GABBR2: variants seen among roughly 807,000 people sequenced by gnomAD.
The protein encoded by GABBR2 is gamma-aminobutyric acid type B receptor subunit 2.
A neutral mutation model predicts 105.6 loss-of-function variants in GABBR2; 23 were observed. The ratio of observed to expected loss-of-function variants is 0.22; its 90% CI spans 0.16 to 0.31. GABBR2 has a LOEUF of 0.31. Among genes scored for constraint, GABBR2 ranks in the 10% least tolerant of loss-of-function variants. The probability of loss-of-function intolerance (pLI) is 1.00; values close to 1 mark genes in which losing one functional copy is unlikely to be tolerated. For synonymous variants in GABBR2, 478 were observed against 499.7 expected (o/e 0.96, Z 0.58); for missense variants, 734 against 1,245.5 (o/e 0.59, Z 6.18).
At chr9:98,685,972 A>G (rs565516548) in intron 1 of GABBR2, among the ~76,000 whole-genome samples, 4 of 152,278 alleles carry the variant, frequency 2.6e-5, no homozygotes, top group African/African-American at 9.6e-5. Context: ...TACAGGTATG[A>G]GCCACTGCAC....
Position 98,414,343 on chromosome 9 carries a change from T to C in GABBR2, c.1237-8202A>G, listed in dbSNP as rs570294840. On this transcript the variant is annotated intron_variant, in intron 7 of 18. Transcript: ENST00000259455. Reference sequence around the variant, plus strand: ...GAGGAAATTGCAAGTGCAAAGGTCCTGAGGCAGGAAAGAGATTGGGAAATC... The same window carrying C: ...GAGGAAATTGCAAGTGCAAAGGTCCCGAGGCAGGAAAGAGATTGGGAAATC... Among the ~76,000 whole-genome samples the C allele has an allele frequency of 1.5e-4, 23 of 152,310 alleles. 1 individual carries two copies. The South Asian group carries it at 4.1e-3, about 27-fold the overall frequency.
chr9:98,387,386 C>T (rs953677404), intron 10 of GABBR2, among the ~76,000 whole-genome samples: 2 of 152,122 alleles, frequency 1.3e-5, no homozygotes, highest in Admixed American at 6.5e-5. Context: ...TGGGACTTCT[C>T]GAGGCATCTG....
At chr9:98,641,229 G>A (rs1829957894) in intron 1 of GABBR2, among the ~76,000 whole-genome samples, 1 of 151,344 alleles carries the variant, frequency 6.6e-6, no homozygotes, top group South Asian at 2.1e-4. Context: ...TGCCTCCTGG[G>A]TTCAAGTAAT....
intron 3 of GABBR2, among the ~76,000 whole-genome samples, chr9:98,497,987 C>T (rs1484941170): frequency 6.6e-6 from 1 of 152,224 alleles, no homozygotes; most frequent in African/African-American, 2.4e-5. Flanking sequence ...CCCAAACGTT[C>T]ACTGCTCGAT....
chr9:98,549,874 C>A (rs1308561757), intron 2 of GABBR2, among the ~76,000 whole-genome samples: 1 of 152,196 alleles, frequency 6.6e-6, no homozygotes, highest in Non-Finnish European at 1.5e-5. Flanking sequence ...ACTACCCAAT[C>A]TACGACCAGA....
intron 4 of GABBR2, among the ~76,000 whole-genome samples, chr9:98,486,658 T>C (rs1827057853): frequency 6.6e-6 from 1 of 152,136 alleles, no homozygotes. Flanking sequence ...AATTCAAATG[T>C]CACAATGCTA....
Position 98,366,824 on chromosome 9 carries a change from T to C in GABBR2, c.1771-3987A>G, listed in dbSNP as rs143069362. Among the ~76,000 whole-genome samples the C allele has an allele frequency of 2.0e-4, 30 of 152,338 alleles. No homozygotes were observed. In the East Asian group the frequency reaches 2.5e-3, roughly 13 times the overall value. ...CCTCAGGTGCTTTTCCCACTCATGT[T>C]ATTGTCTACAACAGAACCCAGTCAT... On this transcript the variant is annotated intron_variant, in intron 12 of 18. Transcript: ENST00000259455.
intron 7 of GABBR2, among the ~76,000 whole-genome samples, chr9:98,429,121 GGT>G (rs56248488): frequency 0.027 from 3,883 of 144,948 alleles, 131 homozygotes; most frequent in African/African-American, 0.081. Flanking sequence ...CCAGGTTTTT[GGT>G]GTGTGTGTGT....
chr9:98,496,889 A>G (rs1465081657), intron 3 of GABBR2, among the ~76,000 whole-genome samples: 1 of 152,196 alleles, frequency 6.6e-6, no homozygotes, highest in Non-Finnish European at 1.5e-5. Flanking sequence ...TTGCAACATT[A>G]TTTCACTTTT....
intron 3 of GABBR2, among the ~76,000 whole-genome samples, chr9:98,522,539 TACA>T (rs1827888035): frequency 6.6e-6 from 1 of 152,184 alleles, no homozygotes; most frequent in Non-Finnish European, 1.5e-5. Context: ...CAGACTTTAT[TACA>T]ACATTGATGT....
chr9:98,367,158 G>A (rs1251712711), intron 12 of GABBR2, among the ~76,000 whole-genome samples: 2 of 143,834 alleles, frequency 1.4e-5, no homozygotes, highest in Admixed American at 6.8e-5. Flanking sequence ...GTTTGTGTAT[G>A]TATGTTTGGG....
chr9:98,674,889 A>C (rs1830454769), intron 1 of GABBR2, among the ~76,000 whole-genome samples: 1 of 152,104 alleles, frequency 6.6e-6, no homozygotes, highest in African/African-American at 2.4e-5. Flanking sequence ...TGGAAGCTTC[A>C]TTTCTCTCTA....
At chr9:98,550,943 T>C (rs934368461) in intron 2 of GABBR2, among the ~76,000 whole-genome samples, 42 of 146,146 alleles carry the variant, frequency 2.9e-4, no homozygotes, top group African/African-American at 1.1e-3. Flanking sequence ...CATCCTACAC[T>C]CACTCAAAAA....
intron 13 of GABBR2, among the ~76,000 whole-genome samples, chr9:98,316,074 C>G (rs1830711793): frequency 6.6e-6 from 1 of 152,222 alleles, no homozygotes; most frequent in Non-Finnish European, 1.5e-5. Flanking sequence ...GGCCTCTTCT[C>G]TTCTGTACAG....
At chr9:98,404,199 C>CAAAA (rs55680554) in intron 8 of GABBR2, among the ~76,000 whole-genome samples, 1 of 144,974 alleles carries the variant, frequency 6.9e-6, no homozygotes, top group African/African-American at 2.6e-5. Flanking sequence ...TGCAATCACT[C>CAAAA]AAAAAAAAAA....
intron 7 of GABBR2, among the ~76,000 whole-genome samples, chr9:98,427,037 A>T (rs1339190798): frequency 1.3e-5 from 2 of 152,194 alleles, no homozygotes; most frequent in Non-Finnish European, 2.9e-5. Context: ...GGTGTTAGCA[A>T]AAAAGGAAAG....
At position 98,306,299 on chromosome 9, in the gene GABBR2, G is replaced by A; in HGVS notation, c.2051C>T (p.Pro684Leu). 4 of 1,614,098 alleles carry A rather than the reference G, an allele frequency of 2.5e-6. No homozygotes were observed. The East Asian group carries it at 8.9e-5, about 36-fold the overall frequency. ...LAWETRNVSI[P>L]ALNDSKYIGM... The stretch of plus-strand genomic sequence containing the variant: ...GATGTACTTGCTGTCGTTGAGTGCG[G>A]GGATGCTGACGTTGCGGGTCTCCCA... The change falls in exon 15 of 19, where the codon CCC (proline) becomes CTC (leucine). Residue 684 changes from proline (P) to leucine (L), a missense_variant. Around this residue, in one of 7 missense-constraint regions of GABBR2, gnomAD observed 91 missense variants for 185.9 expected, o/e 0.49. Coordinates refer to ENST00000259455, the MANE Select transcript of GABBR2 (RefSeq NM_005458.8). The surrounding 1 kb of genome is among the most constrained non-coding windows in gnomAD (Gnocchi z 5.4).
chr9:98,650,315 C>T (rs76055641), intron 1 of GABBR2, among the ~76,000 whole-genome samples: 274 of 152,298 alleles, frequency 1.8e-3, no homozygotes, highest in Non-Finnish European at 3.0e-3. Context: ...TTAACCTCTG[C>T]TCAACCTCAG....
intron 13 of GABBR2, among the ~76,000 whole-genome samples, chr9:98,327,225 C>T (rs1830939064): frequency 6.6e-6 from 1 of 152,132 alleles, no homozygotes; most frequent in Non-Finnish European, 1.5e-5. Context: ...CATTTTAAAC[C>T]TGTGGTTTAG....
Sources: gnomAD v4.1 joint callset for allele counts (sites outside exome capture counted in the v4.1 genomes callset) on GRCh38, gnomAD v4.1.1 for gene constraint, gnomAD v4.1.1 regional missense constraint, Gnocchi (gnomAD v3.1) non-coding constraint, MANE v1.5 for transcripts, NCBI Gene and HGNC (gene_info 2026-07-23, HGNC 2026-07-21) for gene names.